PIP5K1B: variants seen among roughly 807,000 people sequenced by gnomAD.
PIP5K1B encodes the protein phosphatidylinositol 4-phosphate 5-kinase type-1 beta.
PIP5K1B carries 42 observed loss-of-function variants against 67.0 expected under a neutral mutation model. The ratio of observed to expected loss-of-function variants is 0.63; its 90% confidence interval spans 0.49 to 0.81. PIP5K1B has a LOEUF of 0.81. Ranked by LOEUF, PIP5K1B falls within the 30% of genes least tolerant of loss-of-function variation. The probability of loss-of-function intolerance (pLI) is 0.00; values close to 1 mark genes in which losing one functional copy is unlikely to be tolerated. For synonymous variants in PIP5K1B, 214 were observed against 231.4 expected, an observed-to-expected ratio of 0.92 and a Z score of 0.68; for missense variants, 459 against 646.3, an observed-to-expected ratio of 0.71 and a Z score of 3.14.
chr9:68,736,173 G>A (rs1041215699), intron 1 of PIP5K1B, among the ~76,000 whole-genome samples: 9 of 152,156 alleles, frequency 5.9e-5, no homozygotes, highest in Admixed American at 2.0e-4. Context: ...GGAGCTATTG[G>A]AGGCTTTTGA....
chr9:68,929,163 TAAAAAAAAA>T (rs60505568), intron 12 of PIP5K1B, among the ~76,000 whole-genome samples: 2 of 101,504 alleles, frequency 2.0e-5, no homozygotes, highest in African/African-American at 3.9e-5. Context: ...AGACTCTATC[TAAAAAAAAA>T]AAAAAAAAAA....
chr9:68,969,226 GGC>G (rs1216820041), intron 14 of PIP5K1B, among the ~76,000 whole-genome samples: 4 of 151,918 alleles, frequency 2.6e-5, no homozygotes, highest in Non-Finnish European at 5.9e-5. Context: ...AAATTAGCCG[GGC>G]ATGGTGGCGG....
At chr9:68,846,928 T>C (rs1454671438) in intron 4 of PIP5K1B, among the ~76,000 whole-genome samples, 11 of 152,206 alleles carry the variant, frequency 7.2e-5, no homozygotes, top group Admixed American at 4.6e-4. Context: ...ATTATAGTCC[T>C]CATTATGTCT....
At chr9:68,964,384 T>C (rs578133438) in intron 14 of PIP5K1B, among the ~76,000 whole-genome samples, 1 of 152,342 alleles carries the variant, frequency 6.6e-6, no homozygotes, top group East Asian at 1.9e-4. Flanking sequence ...TGAGTAAACA[T>C]CCGATCTTAG....
intron 2 of PIP5K1B, among the ~76,000 whole-genome samples, chr9:68,805,596 G>A (rs1414234629): frequency 6.6e-6 from 1 of 152,168 alleles, no homozygotes; most frequent in Non-Finnish European, 1.5e-5. Context: ...CATACAGCTG[G>A]TGTGCGGCAG....
intron 8 of PIP5K1B, among the ~76,000 whole-genome samples, chr9:68,909,764 C>T (rs531758133): frequency 6.6e-6 from 1 of 152,178 alleles, no homozygotes; most frequent in South Asian, 2.1e-4. Flanking sequence ...GATGTCTCCC[C>T]TCATCAGGAG....
At chr9:68,728,326 G>A (rs1395825676) in intron 1 of PIP5K1B, among the ~76,000 whole-genome samples, 7 of 152,100 alleles carry the variant, frequency 4.6e-5, no homozygotes, top group Admixed American at 2.0e-4. Flanking sequence ...CCATCTTCTC[G>A]TTGCATCCTC....
chr9:68,728,149 T>C (rs1342272437), intron 1 of PIP5K1B, among the ~76,000 whole-genome samples: 2 of 152,192 alleles, frequency 1.3e-5, no homozygotes, highest in African/African-American at 4.8e-5. Context: ...ACATGAATAT[T>C]GTCTTTGCCC....
At chr9:68,897,144 G>A (rs796460524) in intron 8 of PIP5K1B, among the ~76,000 whole-genome samples, 5 of 152,266 alleles carry the variant, frequency 3.3e-5, no homozygotes, top group African/African-American at 1.2e-4. Context: ...TCTGAGCTGA[G>A]GCCAGCACCT....
chr9:68,714,166 A>G (rs1410578376), intron 1 of PIP5K1B, among the ~76,000 whole-genome samples: 2 of 152,230 alleles, frequency 1.3e-5, no homozygotes. Context: ...CATAATTGAC[A>G]TTGCGCTTGG....
intron 15 of PIP5K1B, among the ~76,000 whole-genome samples, chr9:69,002,843 C>G (rs1191399971): frequency 6.6e-6 from 1 of 152,086 alleles, no homozygotes; most frequent in Non-Finnish European, 1.5e-5. Context: ...ATTAGCTGGG[C>G]ATGGAGGCGC....
At chr9:68,886,263 G>T (rs1378270011) in intron 6 of PIP5K1B, among the ~76,000 whole-genome samples, 2 of 152,124 alleles carry the variant, frequency 1.3e-5, no homozygotes, top group Non-Finnish European at 2.9e-5. Flanking sequence ...CACCTGCATG[G>T]CCTCCTTATC....
chr9:68,772,960 A>C (rs1830737365), intron 2 of PIP5K1B, among the ~76,000 whole-genome samples: 2 of 152,172 alleles, frequency 1.3e-5, no homozygotes, highest in Non-Finnish European at 1.5e-5. Flanking sequence ...TTATCTTTAC[A>C]ACAAAAAGGC....
chr9:68,725,927 C>G (rs1828125747), intron 1 of PIP5K1B, among the ~76,000 whole-genome samples: 1 of 152,174 alleles, frequency 6.6e-6, no homozygotes, highest in South Asian at 2.1e-4. Context: ...GCCTAATGCT[C>G]TGCCTTGCAT....
chr9:68,804,234 G>A (rs1832748541), intron 2 of PIP5K1B, among the ~76,000 whole-genome samples: 1 of 152,120 alleles, frequency 6.6e-6, no homozygotes, highest in African/African-American at 2.4e-5. Flanking sequence ...AGGGTGAAGA[G>A]CCAGATGAGG....
rs577962662 is a variant in PIP5K1B at position 68,806,626 on chromosome 9, A to G, written c.-85-11835A>G. 2.6e-5 allele frequency among the ~76,000 whole-genome samples: 4 copies of G among 152,230 alleles called. 1 individual carries two copies. In the East Asian group the frequency reaches 7.7e-4, roughly 29 times the overall value. Reference sequence around the variant, plus strand: ...TCCTCTTCCCTTGAATTCCCATCGTATCAGCACAGGATAATTTTCTCTTAC... The same window carrying G: ...TCCTCTTCCCTTGAATTCCCATCGTGTCAGCACAGGATAATTTTCTCTTAC... On this transcript the variant is annotated intron_variant, in intron 2 of 15. Coordinates refer to ENST00000265382, the MANE Select transcript of PIP5K1B (RefSeq NM_003558.4).
intron 14 of PIP5K1B, among the ~76,000 whole-genome samples, chr9:68,985,432 A>T (rs1830059770): frequency 6.6e-6 from 1 of 151,676 alleles, no homozygotes; most frequent in African/African-American, 2.4e-5. Context: ...TTGTATTTTT[A>T]GTAGAGACAG....
At chr9:68,721,502 G>A (rs1005014398) in intron 1 of PIP5K1B, among the ~76,000 whole-genome samples, 2 of 152,114 alleles carry the variant, frequency 1.3e-5, no homozygotes, top group Non-Finnish European at 2.9e-5. Context: ...AGAATACCAG[G>A]TAGAGGCATC....
At chr9:68,968,638 CT>C (rs898926093) in intron 14 of PIP5K1B, among the ~76,000 whole-genome samples, 2 of 150,662 alleles carry the variant, frequency 1.3e-5, no homozygotes, top group Admixed American at 1.3e-4. Context: ...ACATTCTGCT[CT>C]TTTTTTTATC....
Sources: gnomAD v4.1 joint callset for allele counts (sites outside exome capture counted in the v4.1 genomes callset) on GRCh38, gnomAD v4.1.1 for gene constraint, MANE v1.5 for transcripts, NCBI Gene and HGNC (gene_info 2026-07-23, HGNC 2026-07-21) for gene names.